Variants in MMRN2 observed in about 807,000 individuals in gnomAD.
MMRN2 encodes the protein multimerin-2.
MMRN2 carries 53 observed loss-of-function variants against 68.8 expected under a neutral mutation model. That is an observed-to-expected ratio of 0.77 (90% CI 0.62 to 0.97). The LOEUF (loss-of-function observed/expected upper bound fraction) is 0.97, where lower values mean the gene tolerates loss of function less well. Ranked by LOEUF, MMRN2 falls within the 50% of genes least tolerant of loss-of-function variation. The pLI is 0.00. For missense variants in MMRN2, 1,266 were observed against 1,259.5 expected, an observed-to-expected ratio of 1.01 and a Z score of -0.08; for synonymous variants, 564 against 551.6, an observed-to-expected ratio of 1.02 and a Z score of -0.32.
intron 1 of MMRN2, among the ~76,000 whole-genome samples, chr10:86,947,132 C>T (rs1044246347): frequency 1.3e-5 from 2 of 152,082 alleles, no homozygotes; most frequent in African/African-American, 2.4e-5. Context: ...GAGGGCAAGA[C>T]GTTGGCAGCT....
Position 86,942,733 on chromosome 10 carries a change from G to C in MMRN2, c.2051C>G (p.Ala684Gly). 1 of 1,425,186 alleles carries C rather than the reference G, an allele frequency of 7.0e-7. No individual in the cohort carries two copies. Among genetic ancestry groups the C allele is most frequent in the South Asian group, 1.5e-5 (1 of 66,332 alleles). The allele number at this position is 1,425,186 out of a possible 1,614,324, so 88.3% of individuals were successfully genotyped here. The change falls in exon 6 of 7, where the codon GCG becomes GGG. Residue 684 changes from alanine (A) to glycine (G), a missense_variant. Transcript: ENST00000372027. ...PAEHLEPSHD[A>G]GREEAATTAL... is the part of the protein sequence containing the mutation. ...GGTGGTGGCGGCCTCCTCGCGGCCC[G>C]CGTCGTGGCTGGGCTCCAGGTGCTC... is the stretch of plus-strand genomic sequence containing the variant.
intron 1 of MMRN2, chr10:86,949,207 T>A (rs1451463524): frequency 6.6e-6 from 1 of 152,164 alleles, no homozygotes. Context: ...TGGAACACAG[T>A]GAAAATTGCA....
In MMRN2 at chr10:86,942,827, G is replaced by A; in HGVS notation, c.1957C>T (p.Leu653Phe). The part of the protein sequence containing the change: ...DAASGLQEQA[L>F]GWDELAARVT... The stretch of plus-strand genomic sequence containing the variant: ...CGGGCGGCCAGCTCGTCCCAGCCGA[G>A]CGCCTGCTCCTGCAGCCCGCTAGCG... Residue 653 changes from leucine to phenylalanine, a missense_variant, in exon 6 of 7, where the codon CTC becomes TTC. Leu to Phe is a conservative substitution (Grantham distance 22). Coordinates refer to ENST00000372027, the MANE Select transcript of MMRN2 (RefSeq NM_024756.3). The A allele has an allele frequency of 7.3e-7, 1 of 1,368,596 alleles. No individual in the cohort carries two copies. Among genetic ancestry groups the A allele is most frequent in the Non-Finnish European group, 9.4e-7 (1 of 1,062,140 alleles). The allele number at this position is 1,368,596 out of a possible 1,614,324, so 84.8% of individuals were successfully genotyped here.
chr10:86,948,995 C>T (rs1844108550), intron 1 of MMRN2: 1 of 152,168 alleles, frequency 6.6e-6, no homozygotes, highest in African/African-American at 2.4e-5. Flanking sequence ...TTAAGGACTT[C>T]AATTTCCAGA....
At chr10:86,939,815 GTGTGTGTGTGTGTGTGTGTGTGTT>G (rs58660766) in intron 6 of MMRN2, among the ~76,000 whole-genome samples, 42,527 of 141,510 alleles carry the variant, frequency 0.3, 6,510 homozygotes, top group East Asian at 0.59. Flanking sequence ...GGGTGTGTGT[GTGTGTGTGTGTGTGTGTGTGTGTT>G]TGTGTGTGTG....
chr10:86,936,254 T>A lies in MMRN2; in HGVS notation c.*489A>T, dbSNP rs535675391. ...ATAGAGACCAAGCAGGTTGGTTTAA[T>A]CCCATTGCCCTCTAGTGCTTTCCAA... On this transcript the variant is annotated 3_prime_UTR_variant, in exon 7 of 7. Coordinates refer to ENST00000372027, the MANE Select transcript of MMRN2 (RefSeq NM_024756.3). 103 of 411,852 alleles carry A rather than the reference T, an allele frequency of 2.5e-4. No individual in the cohort carries two copies. Among genetic ancestry groups the A allele is most frequent in the African/African-American group, 2.0e-3 (100 of 49,030 alleles). The allele number at this position is 411,852 out of a possible 1,614,324, so 25.5% of individuals were successfully genotyped here.
At position 86,943,002 on chromosome 10, in the gene MMRN2, G is replaced by T. The variant is rs1843999418; in HGVS notation, c.1782C>A (p.Ser594Arg). The T allele has an allele frequency of 7.0e-7, 1 of 1,420,888 alleles. No individual in the cohort carries two copies. The allele number at this position is 1,420,888 out of a possible 1,614,324, so 88.0% of individuals were successfully genotyped here. Residue 594 changes from serine to arginine, a missense_variant, in exon 6 of 7, where the codon AGC becomes AGA. Ser to Arg is a moderately radical substitution (Grantham distance 110). Coordinates refer to ENST00000372027, the MANE Select transcript of MMRN2 (RefSeq NM_024756.3). This position sits in a 1 kb window ranked among gnomAD's most constrained non-coding sequence, Gnocchi z 4.2. ...EARHEVRQLH[S>R]AFAALLEDAL... is the part of the protein sequence containing the mutation. ...CGTCCTCCAGCAGGGCGGCGAAGGC[G>T]CTGTGCAGCTGGCGCACCTCGTGGC...
rs751915076 is a variant in MMRN2, at chr10:86,936,587, G to A, written c.*156C>T. 6 of 827,838 alleles carry A rather than the reference G, an allele frequency of 7.2e-6. No individual in the cohort carries two copies. The highest frequency in any genetic ancestry group is 1.2e-5 in the Non-Finnish European group (6 of 521,134). 51.3% of individuals were successfully genotyped at this position (827,838 alleles called of 1,614,324 possible). A position where few individuals can be genotyped will look rare whatever the true frequency, so the allele number is the denominator to read the frequency against. On this transcript the variant is annotated 3_prime_UTR_variant, in exon 7 of 7. Coordinates refer to ENST00000372027, the MANE Select transcript of MMRN2 (RefSeq NM_024756.3). ...ATGGAGAAATGGCCAAGCCCCATGT[G>A]GTTACAGGGAAGCCACGTACACCAC... is the stretch of plus-strand genomic sequence containing the variant.
chr10:86,942,778 G>A lies in MMRN2; in HGVS notation c.2006C>T (p.Ser669Leu), dbSNP rs2133678117. The A allele has an allele frequency of 2.2e-6, 3 of 1,371,464 alleles. No homozygotes were observed. Among genetic ancestry groups the A allele is most frequent in the African/African-American group, 3.1e-5 (2 of 65,178 alleles). 85.0% of individuals were successfully genotyped at this position (1,371,464 alleles called of 1,614,324 possible). Reference sequence around the variant, plus strand: ...GTGCTCTGCCGGCCGCGGGGGCTCCGAGGCCTGCTCCAGGGCCGTCACTCG... The same window carrying A: ...GTGCTCTGCCGGCCGCGGGGGCTCCAAGGCCTGCTCCAGGGCCGTCACTCG... ...AARVTALEQASEPPRPAEHLE... is the reference protein window; with the variant it reads ...AARVTALEQALEPPRPAEHLE... The change falls in exon 6 of 7, where the codon TCG becomes TTG. Residue 669 changes from serine to leucine, a missense_variant. Coordinates refer to ENST00000372027, the MANE Select transcript of MMRN2 (RefSeq NM_024756.3).
intron 1 of MMRN2, among the ~76,000 whole-genome samples, chr10:86,951,622 G>C (rs987589194): frequency 3.9e-5 from 6 of 152,214 alleles, no homozygotes; most frequent in African/African-American, 1.2e-4. Context: ...AGCAAAAACA[G>C]GTGATGGGCT....
chr10:86,946,538 C>T (rs969543183), intron 1 of MMRN2, among the ~76,000 whole-genome samples: 1 of 152,190 alleles, frequency 6.6e-6, no homozygotes, highest in African/African-American at 2.4e-5. Flanking sequence ...GATAGGTAGC[C>T]CTTCCATCCT....
At position 86,942,738 on chromosome 10, in the gene MMRN2, G is replaced by C. The variant is rs1266315023; in HGVS notation, c.2046C>G (p.His682Gln). ...PRPAEHLEPS[H>Q]DAGREEAATT... ...TGGCGGCCTCCTCGCGGCCCGCGTC[G>C]TGGCTGGGCTCCAGGTGCTCTGCCG... Residue 682 changes from histidine (H) to glutamine (Q), a missense_variant, in exon 6 of 7, where the codon CAC (histidine) becomes CAG (glutamine). By Grantham distance (24) the His-to-Gln change is conservative (BLOSUM62 0). Coordinates refer to ENST00000372027, the MANE Select transcript of MMRN2 (RefSeq NM_024756.3). The C allele has an allele frequency of 7.1e-7, 1 of 1,416,242 alleles. No individual in the cohort carries two copies. Among genetic ancestry groups the C allele is most frequent in the Non-Finnish European group, 9.1e-7 (1 of 1,093,396 alleles). 87.7% of individuals were successfully genotyped at this position (1,416,242 alleles called of 1,614,324 possible).
At position 86,943,203 on chromosome 10, in the gene MMRN2, C is replaced by T. The variant is rs1478345258; in HGVS notation, c.1581G>A (p.Gln527=). 4 of 1,609,426 alleles carry T rather than the reference C, an allele frequency of 2.5e-6. No individual in the cohort carries two copies. Among genetic ancestry groups the T allele is most frequent in the Non-Finnish European group, 3.4e-6 (4 of 1,177,650 alleles). The change falls in exon 6 of 7, where the codon CAG becomes CAA. Residue 527 remains glutamine (Q), a synonymous_variant. Transcript: ENST00000372027. The surrounding 1 kb of genome is among the most constrained non-coding windows in gnomAD (Gnocchi z 4.2). Reference sequence around the variant, plus strand: ...GGGCCTGCAGGGAGGAGCCGTCCAGCTGCCGCCGCTCGTCCAGGCTCACCT... The same window carrying T: ...GGGCCTGCAGGGAGGAGCCGTCCAGTTGCCGCCGCTCGTCCAGGCTCACCT... ...ETQVSLDERR[Q]LDGSSLQALQ... is the part of the protein sequence containing the mutation.
chr10:86,946,103 G>C (rs1844064816), intron 1 of MMRN2, among the ~76,000 whole-genome samples: 1 of 152,242 alleles, frequency 6.6e-6, no homozygotes, highest in South Asian at 2.1e-4. Flanking sequence ...AGCTCTCGCT[G>C]TTTCTCCTGC....
rs938444549 is a variant in MMRN2, at chr10:86,957,608, G to A, written c.-67C>T. The A allele has an allele frequency of 2.2e-5, 33 of 1,507,842 alleles. No individual in the cohort carries two copies. The highest frequency in any genetic ancestry group is 2.8e-5 in the African/African-American group (2 of 71,734). 93.4% of individuals were successfully genotyped at this position (1,507,842 alleles called of 1,614,324 possible). On this transcript the variant is annotated 5_prime_UTR_variant, in exon 1 of 7. It adds an upstream start codon to the 5' untranslated region. Coordinates refer to ENST00000372027, the MANE Select transcript of MMRN2 (RefSeq NM_024756.3). ...AGTAGCTCCAGAAACTGCTAGTGACGTTGTCTTCAAGTTAAATCTCAGGAG... is the reference window on the plus strand; with the variant it reads ...AGTAGCTCCAGAAACTGCTAGTGACATTGTCTTCAAGTTAAATCTCAGGAG...
intron 6 of MMRN2, among the ~76,000 whole-genome samples, chr10:86,938,300 A>G (rs1440287797): frequency 6.6e-6 from 1 of 152,232 alleles, no homozygotes; most frequent in East Asian, 1.9e-4. Flanking sequence ...TCCAGACCAC[A>G]CAACTAGTAA....
chr10:86,943,270 C>G lies in MMRN2; in HGVS notation c.1514G>C (p.Arg505Pro), dbSNP rs1844005969. Residue 505 changes from arginine to proline, a missense_variant, in exon 6 of 7, where the codon CGG (arginine) becomes CCG (proline). Coordinates refer to ENST00000372027, the MANE Select transcript of MMRN2 (RefSeq NM_024756.3). This position sits in a 1 kb window ranked among gnomAD's most constrained non-coding sequence, Gnocchi z 4.2. Reference sequence around the variant, plus strand: ...ACGCGTGGCGTCCCTCTGGCCCTCCCGGATGACGTCCAGGTCTAAATAGAG... The same window carrying G: ...ACGCGTGGCGTCCCTCTGGCCCTCCGGGATGACGTCCAGGTCTAAATAGAG... ...QKLYLDLDVI[R>P]EGQRDATRAL... The G allele has an allele frequency of 6.2e-7, 1 of 1,613,334 alleles. No homozygotes were observed. The highest frequency in any genetic ancestry group is 8.5e-7 in the Non-Finnish European group (1 of 1,179,986).
At chr10:86,951,156 A>C (rs967820905) in intron 1 of MMRN2, among the ~76,000 whole-genome samples, 1 of 152,194 alleles carries the variant, frequency 6.6e-6, no homozygotes, top group African/African-American at 2.4e-5. Flanking sequence ...AGTGATACAG[A>C]GGTAAATGCA....
rs1369416152 is a variant in MMRN2, at chr10:86,943,022, C to T, written c.1762G>A (p.Glu588Lys). 5.9e-6 allele frequency: 8 copies of T among 1,366,526 alleles called. No homozygotes were observed. The highest frequency in any genetic ancestry group is 7.5e-6 in the Non-Finnish European group (8 of 1,061,200). 84.7% of individuals were successfully genotyped at this position (1,366,526 alleles called of 1,614,324 possible). A position where few individuals can be genotyped will look rare whatever the true frequency, so the allele number is the denominator to read the frequency against. Reference protein sequence around the residue: ...LKAAAAEARHEVRQLHSAFAA... With the variant: ...LKAAAAEARHKVRQLHSAFAA... ...AAGGCGCTGTGCAGCTGGCGCACCT[C>T]GTGGCGGGCCTCGGCCGCGGCCGCC... Residue 588 changes from glutamate (E) to lysine (K), a missense_variant, in exon 6 of 7, where the codon GAG (glutamate) becomes AAG (lysine). Transcript: ENST00000372027. The surrounding 1 kb of genome is among the most constrained non-coding windows in gnomAD (Gnocchi z 4.2).
Sources: allele counts gnomAD v4.1 joint callset (sites outside exome capture counted in the v4.1 genomes callset), GRCh38; gene constraint gnomAD v4.1.1; non-coding constraint Gnocchi (gnomAD v3.1); transcripts MANE v1.5; gene names NCBI Gene and HGNC (gene_info 2026-07-23, HGNC 2026-07-21).